The following CNTNAP2 variants were observed in gnomAD, a reference collection of about 807,000 sequenced individuals.
CNTNAP2 encodes the protein contactin associated protein 2.
Under a neutral mutation model 155.2 loss-of-function variants are expected in CNTNAP2, and 98 were observed. The ratio of observed to expected loss-of-function variants is 0.63; its 90% CI spans 0.54 to 0.75. The LOEUF (loss-of-function observed/expected upper bound fraction) is 0.75, where lower values mean the gene tolerates loss of function less well. Among genes scored for constraint, CNTNAP2 ranks in the 30% least tolerant of loss-of-function variants. The pLI is 0.00. For synonymous variants in CNTNAP2, 651 were observed against 631.2 expected, an observed-to-expected ratio of 1.03 and a Z score of -0.47; for missense variants, 1,727 against 1,688.1, an observed-to-expected ratio of 1.02 and a Z score of -0.40.
chr7:147,066,838 A>T (rs557863802), intron 4 of CNTNAP2, among the ~76,000 whole-genome samples: 15 of 152,310 alleles, frequency 9.8e-5, no homozygotes, highest in African/African-American at 3.4e-4. Context: ...ATTGTAAACA[A>T]TATAAATTTA....
intron 1 of CNTNAP2, among the ~76,000 whole-genome samples, chr7:146,664,195 T>C (rs1019871113): frequency 2.2e-5 from 3 of 135,802 alleles, no homozygotes; most frequent in African/African-American, 8.5e-5. Flanking sequence ...ACAGTCTCAC[T>C]CTGTCGCCCA....
At chr7:147,406,893 T>G (rs1183483717) in intron 10 of CNTNAP2, among the ~76,000 whole-genome samples, 1 of 152,218 alleles carries the variant, frequency 6.6e-6, no homozygotes, top group Non-Finnish European at 1.5e-5. Flanking sequence ...GTAAAACCAC[T>G]AAGTACCATA....
Position 148,405,420 on chromosome 7 carries a change from A to ATTTTTTTTTTTTTTTTTTTTT in CNTNAP2, c.3716-3965_3716-3945dup, listed in dbSNP as rs36020816. 1.2e-3 allele frequency among the ~76,000 whole-genome samples: 79 copies of ATTTTTTTTTTTTTTTTTTTTT among 64,302 alleles called. 13 individuals carry two copies. The highest frequency in any genetic ancestry group is 1.5e-3 in the East Asian group (3 of 2,020). 42.2% of individuals were successfully genotyped at this position (64,302 alleles called of 152,430 possible). On this transcript the variant is annotated intron_variant, in intron 22 of 23. Transcript: ENST00000361727. ...TCAAGGGAACCAGATTACCATTGTA[A>ATTTTTTTTTTTTTTTTTTTTT]TTTTTTTTTTTTTTTTTTTTTTTTT...
intron 3 of CNTNAP2, among the ~76,000 whole-genome samples, chr7:147,024,146 T>G (rs1245000391): frequency 6.6e-6 from 1 of 152,172 alleles, no homozygotes. Context: ...ATTTAAAAAA[T>G]GGACACTATA....
At chr7:147,430,220 A>G (rs1797442542) in intron 10 of CNTNAP2, among the ~76,000 whole-genome samples, 1 of 152,202 alleles carries the variant, frequency 6.6e-6, no homozygotes, top group Non-Finnish European at 1.5e-5. Flanking sequence ...CTAAGTAAAC[A>G]TTTTGACAAA....
intron 18 of CNTNAP2, among the ~76,000 whole-genome samples, chr7:148,195,066 A>G (rs1795254967): frequency 6.6e-6 from 1 of 151,482 alleles, no homozygotes; most frequent in African/African-American, 2.4e-5. Flanking sequence ...ATCTCTCACA[A>G]CTCCCCCTAC....
At chr7:147,244,292 G>A (rs558925053) in intron 8 of CNTNAP2, among the ~76,000 whole-genome samples, 8 of 152,282 alleles carry the variant, frequency 5.3e-5, no homozygotes, top group Admixed American at 2.0e-4. Flanking sequence ...ATCAGCTCCC[G>A]TTGGGAGATC....
At chr7:147,983,994 A>G (rs1171158323) in intron 15 of CNTNAP2, among the ~76,000 whole-genome samples, 1 of 152,218 alleles carries the variant, frequency 6.6e-6, no homozygotes, top group Non-Finnish European at 1.5e-5. Context: ...CCACAAAAAA[A>G]CTGCTTAGCA....
chr7:148,264,867 G>C (rs1295112857), intron 20 of CNTNAP2, among the ~76,000 whole-genome samples: 1 of 151,526 alleles, frequency 6.6e-6, no homozygotes, highest in African/African-American at 2.4e-5. Flanking sequence ...GCTACTTTTT[G>C]TATTTTTAGT....
intron 15 of CNTNAP2, among the ~76,000 whole-genome samples, chr7:148,065,316 A>G (rs1159563613): frequency 6.6e-6 from 1 of 152,142 alleles, no homozygotes; most frequent in Non-Finnish European, 1.5e-5. Context: ...CATTTGTTCT[A>G]GGATATAGTT....
intron 1 of CNTNAP2, among the ~76,000 whole-genome samples, chr7:146,698,678 A>T (rs1412434414): frequency 6.6e-6 from 1 of 152,106 alleles, no homozygotes; most frequent in Non-Finnish European, 1.5e-5. Flanking sequence ...TCGAAAAAGC[A>T]TCAGCATTAT....
chr7:147,019,473 G>A (rs34844745), intron 3 of CNTNAP2, among the ~76,000 whole-genome samples: 6,896 of 152,006 alleles, frequency 0.045, 186 homozygotes, highest in African/African-American at 0.071. Context: ...AAAAGGCCCT[G>A]CATCAGTATC....
At chr7:148,070,534 T>C (rs1047579994) in intron 15 of CNTNAP2, among the ~76,000 whole-genome samples, 21 of 152,282 alleles carry the variant, frequency 1.4e-4, no homozygotes, top group Middle Eastern at 3.4e-3. Context: ...CTGGCCAATA[T>C]GGCAAAACCC....
At chr7:146,380,261 CTTAA>C (rs1368816917) in intron 1 of CNTNAP2, among the ~76,000 whole-genome samples, 2 of 152,144 alleles carry the variant, frequency 1.3e-5, no homozygotes, top group Admixed American at 6.5e-5. Context: ...ATGCAGTACA[CTTAA>C]TTACTGTTTA....
chr7:147,459,739 T>C (rs1274856749), intron 10 of CNTNAP2, among the ~76,000 whole-genome samples: 1 of 152,216 alleles, frequency 6.6e-6, no homozygotes, highest in Admixed American at 6.5e-5. Context: ...TTGAAACTTC[T>C]GGCCTCCAGA....
intron 13 of CNTNAP2, among the ~76,000 whole-genome samples, chr7:147,683,199 G>A (rs1321309035): frequency 6.6e-6 from 1 of 151,790 alleles, no homozygotes; most frequent in Non-Finnish European, 1.5e-5. Flanking sequence ...TGTACTCTGT[G>A]TATTTGTCCA....
intron 13 of CNTNAP2, among the ~76,000 whole-genome samples, chr7:147,731,912 G>A (rs1172857970): frequency 6.6e-6 from 1 of 152,124 alleles, no homozygotes; most frequent in Non-Finnish European, 1.5e-5. Context: ...TGCAGATGTG[G>A]TAGAAATAAC....
chr7:147,045,023 T>C (rs1489955364), intron 4 of CNTNAP2, among the ~76,000 whole-genome samples: 1 of 152,190 alleles, frequency 6.6e-6, no homozygotes, highest in African/African-American at 2.4e-5. Context: ...TGCTAGATAG[T>C]ATAAATTTAA....
At chr7:147,178,982 T>A (rs1223690289) in intron 8 of CNTNAP2, among the ~76,000 whole-genome samples, 1 of 152,128 alleles carries the variant, frequency 6.6e-6, no homozygotes, top group Non-Finnish European at 1.5e-5. Context: ...ATCAGAAGAC[T>A]GATCAGGGTG....
Sources: gnomAD v4.1 joint callset for allele counts (sites outside exome capture counted in the v4.1 genomes callset) on GRCh38, gnomAD v4.1.1 for gene constraint, MANE v1.5 for transcripts, NCBI Gene and HGNC (gene_info 2026-07-23, HGNC 2026-07-21) for gene names.